The following CAPRIN2 variants were observed in gnomAD, a reference collection of about 807,000 sequenced individuals.
CAPRIN2 encodes the protein caprin-2.
CAPRIN2 carries 66 observed loss-of-function variants against 130.4 expected under a neutral mutation model. That is an observed-to-expected ratio of 0.51 (90% CI 0.42 to 0.62). The LOEUF (loss-of-function observed/expected upper bound fraction) is 0.62, where lower values mean the gene tolerates loss of function less well. Ranked by LOEUF, CAPRIN2 falls within the 20% of genes least tolerant of loss-of-function variation. The pLI is 0.00. For synonymous variants in CAPRIN2, 471 were observed against 444.1 expected (o/e 1.06, Z -0.76); for missense variants, 1,185 against 1,246.6 (o/e 0.95, Z 0.74).
intron 2 of CAPRIN2, among the ~76,000 whole-genome samples, chr12:30,746,632 T>C (rs1565698010): frequency 6.6e-6 from 1 of 152,230 alleles, no homozygotes; most frequent in Non-Finnish European, 1.5e-5. Flanking sequence ...ATTGCTGACG[T>C]GCACAAGATT....
At chr12:30,719,681 T>A (rs1272236549) in intron 12 of CAPRIN2, 1 of 152,498 alleles carries the variant, frequency 6.6e-6, no homozygotes, top group Non-Finnish European at 1.5e-5. Flanking sequence ...ACAACTCCGA[T>A]CCAATTTAAG....
chr12:30,737,582 T>C (rs1364868007), intron 3 of CAPRIN2, among the ~76,000 whole-genome samples: 1 of 149,954 alleles, frequency 6.7e-6, no homozygotes, highest in South Asian at 2.1e-4. Context: ...TAGTACTGAA[T>C]GATAAAACTG....
chr12:30,746,892 C>T (rs2070777213), intron 2 of CAPRIN2, among the ~76,000 whole-genome samples: 1 of 152,180 alleles, frequency 6.6e-6, no homozygotes, highest in Admixed American at 6.5e-5. Context: ...GAGCTGGCTA[C>T]ACTAAACAAC....
At chr12:30,713,880 C>T in exon 15 of CAPRIN2, 1 of 1,567,054 alleles carries the variant, frequency 6.4e-7, no homozygotes, top group South Asian at 1.1e-5. Context: ...CTATAAGTAT[C>T]AAAACCTAAT....
chr12:30,750,994 T>G (rs2073527958), intron 2 of CAPRIN2, 77 bp downstream of exon 3: 1 of 1,031,464 alleles, frequency 9.7e-7, no homozygotes, highest in African/African-American at 1.6e-5. Flanking sequence ...CTATAAAGAC[T>G]GATCGCACTA....
chr12:30,720,626 T>C (rs2059121162), intron 12 of CAPRIN2, 185 bp downstream of exon 13: 1 of 509,178 alleles, frequency 2.0e-6, no homozygotes, highest in African/African-American at 1.9e-5. Context: ...ATTAAATCTA[T>C]TTATATGGCA....
At chr12:30,722,484 A>G (rs2059702445) in intron 11 of CAPRIN2, among the ~76,000 whole-genome samples, 1 of 152,226 alleles carries the variant, frequency 6.6e-6, no homozygotes, top group African/African-American at 2.4e-5. Context: ...TACCTTGTCA[A>G]TTGAAAGCCT....
exon 4 of CAPRIN2, chr12:30,735,128 T>C (rs371146766): frequency 8.1e-6 from 13 of 1,614,214 alleles, no homozygotes; most frequent in South Asian, 5.5e-5. Flanking sequence ...ACTTGAAGTA[T>C]AGTTCGAAGC....
At chr12:30,739,610 G>C (rs183920290) in intron 3 of CAPRIN2, among the ~76,000 whole-genome samples, 54 of 152,092 alleles carry the variant, frequency 3.6e-4, no homozygotes, top group Admixed American at 2.4e-3. Flanking sequence ...AGCTACTTGG[G>C]AGGCTGAGGC....
At chr12:30,720,463 A>G (rs2059065470) in intron 12 of CAPRIN2, 1 of 166,044 alleles carries the variant, frequency 6.0e-6, no homozygotes, top group Non-Finnish European at 1.3e-5. Context: ...AATAAAATAA[A>G]GTTATTGAGC....
At chr12:30,727,318 G>A (rs1355114898) in intron 8 of CAPRIN2, among the ~76,000 whole-genome samples, 1 of 152,166 alleles carries the variant, frequency 6.6e-6, no homozygotes, top group African/African-American at 2.4e-5. Context: ...GAGAGAGAAA[G>A]GAGAGCAAAA....
chr12:30,731,637 TCCTTA>T, intron 5 of CAPRIN2, 127 bp from the exon 7 acceptor site: 9 of 735,214 alleles, frequency 1.2e-5, no homozygotes, highest in Non-Finnish European at 2.0e-5. Context: ...ACATAGTACA[TCCTTA>T]CAATAGTTTA....
chr12:30,742,220 T>C (rs1276607001), intron 2 of CAPRIN2, among the ~76,000 whole-genome samples: 4 of 152,284 alleles, frequency 2.6e-5, no homozygotes, highest in Middle Eastern at 6.8e-3. Context: ...TGGGTTTACT[T>C]TGTGTTAAGT....
chr12:30,711,610 T>C (rs975061220), exon 16 of CAPRIN2: 8 of 1,613,672 alleles, frequency 5.0e-6, no homozygotes, highest in South Asian at 2.2e-5. Flanking sequence ...TCCTCGCTTA[T>C]AACACTGCTG....
chr12:30,735,274 C>T (rs1243588644), intron 3 of CAPRIN2, 68 bp from the exon 5 acceptor site: 2 of 1,218,782 alleles, frequency 1.6e-6, no homozygotes, highest in Admixed American at 1.7e-5. Flanking sequence ...TACGTATCTA[C>T]AAAGTCTAAA....
chr12:30,716,442 A>T, intron 13 of CAPRIN2, 66 bp downstream of exon 15: 1 of 1,421,576 alleles, frequency 7.0e-7, no homozygotes, highest in Middle Eastern at 1.8e-4. Flanking sequence ...CAGACTTCCT[A>T]GACTTGCTGT....
intron 1 of CAPRIN2, chr12:30,751,380 G>A (rs1444805957): frequency 6.7e-6 from 3 of 450,506 alleles, no homozygotes; most frequent in East Asian, 4.1e-5. Flanking sequence ...TTCTCTTAAT[G>A]ACTCTATTAA....
chr12:30,710,470 G>C lies in CAPRIN2; in HGVS notation c.2666C>G (p.Ala889Gly). The stretch of plus-strand genomic sequence containing the variant: ...CACCTGAGAAGAATCACTCCACCCT[G>C]CTGTTTTATTAGCAACAGTGAGTTT... Residue 889 changes from alanine to glycine, a missense_variant and splice_region_variant, in exon 17 of 17, where the codon GCA becomes GGA. This residue lies in a region of CAPRIN2 where 1,104 missense variants were observed against 1,104.3 expected (regional missense o/e 1.00). Coordinates refer to ENST00000298892, the Ensembl canonical transcript of CAPRIN2. The surrounding 1 kb of genome is among the most constrained non-coding windows in gnomAD (Gnocchi z 4.8). 1 of 1,613,784 alleles carries C rather than the reference G, an allele frequency of 6.2e-7. No homozygotes were observed. The highest frequency in any genetic ancestry group is 8.5e-7 in the Non-Finnish European group (1 of 1,179,880).
chr12:30,710,299 A>G lies in CAPRIN2; in HGVS notation c.2837T>C (p.Met946Thr). ...TCTGGCTGCTGAGAAGGCAACTCGC[A>G]TCTGCTGAGGCAGAGGGTAGACGTG... Residue 946 changes from methionine to threonine, a missense_variant, in exon 17 of 17, where the codon ATG becomes ACG. Met to Thr is a moderately conservative substitution (Grantham distance 81, BLOSUM62 -1). Transcript: ENST00000298892. The surrounding 1 kb of genome is among the most constrained non-coding windows in gnomAD (Gnocchi z 4.8). 2 of 1,614,222 alleles carry G rather than the reference A, an allele frequency of 1.2e-6. No homozygotes were observed. The highest frequency in any genetic ancestry group is 1.7e-6 in the Non-Finnish European group (2 of 1,180,040).
Sources: allele counts gnomAD v4.1 joint callset (sites outside exome capture counted in the v4.1 genomes callset), GRCh38; gene constraint gnomAD v4.1.1; regional missense constraint gnomAD v4.1.1; non-coding constraint Gnocchi (gnomAD v3.1); transcripts MANE v1.5; gene names NCBI Gene and HGNC (gene_info 2026-07-23, HGNC 2026-07-21).